The following GCNT1 variants were observed in gnomAD, a reference collection of about 807,000 sequenced individuals.
GCNT1 encodes glucosaminyl (N-acetyl) transferase 1, also known as beta-1,3-galactosyl-O-glycosyl-glycoprotein beta-1,6-N-acetylglucosaminyltransferase.
GCNT1 carries 16 observed loss-of-function variants against 26.2 expected under a neutral mutation model. That is an observed-to-expected ratio of 0.61 (90% confidence interval 0.41 to 0.93). The LOEUF (loss-of-function observed/expected upper bound fraction) is 0.93. GCNT1 is among the 40% of genes least tolerant of loss of function. GCNT1 has a pLI of 0.00. For missense variants in GCNT1, 477 were observed against 526.7 expected, an observed-to-expected ratio of 0.91 and a Z score of 0.92; for synonymous variants, 183 against 190.8, an observed-to-expected ratio of 0.96 and a Z score of 0.34.
At position 76,479,821 on chromosome 9, in the gene GCNT1, G is replaced by A. The variant is rs553302030; in HGVS notation, c.-290+19644G>A. ...CTGTAGGTTGGTTCTTCACTCTGAT[G>A]GTAGTTTCTTTTGCTGTGCAGAAGC... is the stretch of plus-strand genomic sequence containing the variant. On this transcript the variant is annotated intron_variant, in intron 2 of 3. Transcript: ENST00000376730. 4.6e-5 allele frequency among the ~76,000 whole-genome samples: 7 copies of A among 152,284 alleles called. No individual in the cohort carries two copies. The East Asian group carries it at 1.4e-3, about 29-fold the overall frequency.
upstream of GCNT1, among the ~76,000 whole-genome samples, chr9:76,454,993 G>A (rs996622357): frequency 7.9e-5 from 12 of 151,490 alleles, no homozygotes; most frequent in Non-Finnish European, 1.3e-4. Flanking sequence ...GATTACAGGC[G>A]TGCACCACCA....
intron 2 of GCNT1, among the ~76,000 whole-genome samples, chr9:76,471,051 C>A (rs1564235396): frequency 6.6e-6 from 1 of 152,206 alleles, no homozygotes; most frequent in Non-Finnish European, 1.5e-5. Context: ...TTATGCTAAC[C>A]AACACAGTCC....
intron 2 of GCNT1, among the ~76,000 whole-genome samples, chr9:76,482,811 ATTTT>A (rs56267257): frequency 8.6e-6 from 1 of 115,884 alleles, no homozygotes; most frequent in African/African-American, 3.3e-5. Context: ...CACCGGGCTA[ATTTT>A]TTTTTTTTTT....
At chr9:76,399,648 T>A in the GCNT1 span, 1 of 946,156 alleles carries the variant, frequency 1.1e-6, no homozygotes, top group Non-Finnish European at 1.6e-6. Context: ...TAAACATCAG[T>A]TTCTTAAAAA....
upstream of GCNT1, among the ~76,000 whole-genome samples, chr9:76,416,606 G>A (rs1375069574): frequency 2.0e-5 from 3 of 152,220 alleles, no homozygotes; most frequent in African/African-American, 7.2e-5. Context: ...GTGGGGGGCT[G>A]AGTAAGCGAA....
At chr9:76,499,673 A>G (rs2131641223) in intron 2 of GCNT1, among the ~76,000 whole-genome samples, 1 of 152,292 alleles carries the variant, frequency 6.6e-6, no homozygotes, top group African/African-American at 2.4e-5. Context: ...TTCAATATTA[A>G]TAGACTATTT....
At chr9:76,453,449 T>G (rs1220636359) in intron 1 of GCNT1, among the ~76,000 whole-genome samples, 1 of 152,220 alleles carries the variant, frequency 6.6e-6, no homozygotes, top group Non-Finnish European at 1.5e-5. Flanking sequence ...TTTGAGGTTC[T>G]AGGTTACCTT....
upstream of GCNT1, among the ~76,000 whole-genome samples, chr9:76,415,345 C>T (rs1373967925): frequency 6.6e-6 from 1 of 152,158 alleles, no homozygotes; most frequent in Non-Finnish European, 1.5e-5. Flanking sequence ...GCATGAGTCA[C>T]CACACCTGAC....
At chr9:76,470,147 C>T (rs1022525005) in intron 2 of GCNT1, among the ~76,000 whole-genome samples, 1 of 152,042 alleles carries the variant, frequency 6.6e-6, no homozygotes, top group African/African-American at 2.4e-5. Context: ...GTAAATGTAA[C>T]TGTATAGATA....
intron 2 of GCNT1, among the ~76,000 whole-genome samples, chr9:76,460,966 T>TA (rs1823859392): frequency 6.6e-6 from 1 of 152,232 alleles, no homozygotes; most frequent in East Asian, 1.9e-4. Context: ...TTTAAGGAGT[T>TA]ACTCCTTTTC....
chr9:76,471,132 T>TA (rs1824121979), intron 2 of GCNT1, among the ~76,000 whole-genome samples: 1 of 152,228 alleles, frequency 6.6e-6, no homozygotes, highest in African/African-American at 2.4e-5. Context: ...GGTTTGCAAT[T>TA]AAAAATCCTG....
chr9:76,408,040 T>C, the GCNT1 span, among the ~76,000 whole-genome samples: 10 of 152,218 alleles, frequency 6.6e-5, no homozygotes, highest in South Asian at 2.1e-4. Flanking sequence ...TTTATTCTTA[T>C]GGATTTTCTA....
intron 2 of GCNT1, among the ~76,000 whole-genome samples, chr9:76,473,171 G>A (rs1234610369): frequency 3.9e-5 from 6 of 152,182 alleles, no homozygotes; most frequent in African/African-American, 1.4e-4. Flanking sequence ...GATGCTTCCT[G>A]AAGTTTCTTT....
In GCNT1 at chr9:76,502,945, A is replaced by G. The variant is rs746423733; in HGVS notation, c.564A>G (p.Ala188=). 10 of 1,613,148 alleles carry G rather than the reference A, an allele frequency of 6.2e-6. No homozygotes were observed. In the East Asian group the frequency reaches 1.3e-4, roughly 22 times the overall value. The change falls in exon 4 of 4, where the codon GCA becomes GCG. Residue 188 remains alanine, a synonymous_variant. Transcript: ENST00000376730. ...GCCGATTGGAGAGTGTGGTTTATGC[A>G]TCGTGGAGCCGGGTTCAGGCTGACC... ...VASRLESVVY[A]SWSRVQADLN...
At chr9:76,426,422 G>A (rs1823258375) in intron 1 of GCNT1, among the ~76,000 whole-genome samples, 1 of 152,092 alleles carries the variant, frequency 6.6e-6, no homozygotes, top group African/African-American at 2.4e-5. Flanking sequence ...ACAAAAATTA[G>A]GCAGGCATGG....
intron 1 of GCNT1, among the ~76,000 whole-genome samples, chr9:76,443,913 GAAA>G (rs2131583049): frequency 3.1e-5 from 2 of 64,866 alleles, no homozygotes; most frequent in African/African-American, 1.3e-4. Flanking sequence ...AAGAAAGGAA[GAAA>G]GGAAGAAAGG....
At chr9:76,420,830 T>G (rs1315374979) in intron 1 of GCNT1, among the ~76,000 whole-genome samples, 7 of 151,806 alleles carry the variant, frequency 4.6e-5, no homozygotes, top group Non-Finnish European at 7.4e-5. Flanking sequence ...TCCCAGGTAC[T>G]TGGGAGGCTG....
At chr9:76,464,626 C>A (rs1376515779) in intron 2 of GCNT1, among the ~76,000 whole-genome samples, 3 of 151,830 alleles carry the variant, frequency 2.0e-5, no homozygotes, top group Non-Finnish European at 4.4e-5. Context: ...TAGCACACTT[C>A]AGTTGAACTC....
intron 1 of GCNT1, among the ~76,000 whole-genome samples, chr9:76,429,317 G>T (rs188892848): frequency 1.2e-4 from 19 of 152,228 alleles, no homozygotes; most frequent in African/African-American, 4.6e-4. Context: ...TCTCCAAGGT[G>T]TATATTTGAG....
Sources: gnomAD v4.1 joint callset for allele counts (sites outside exome capture counted in the v4.1 genomes callset) on GRCh38, gnomAD v4.1.1 for gene constraint, MANE v1.5 for transcripts, NCBI Gene and HGNC (gene_info 2026-07-23, HGNC 2026-07-21) for gene names.